The following CC2D2B variants were observed in gnomAD, a reference collection of about 807,000 sequenced individuals.
The protein encoded by CC2D2B is coiled-coil and C2 domain containing 2B.
CC2D2B carries 128 observed loss-of-function variants against 161.2 expected under a neutral mutation model. That is an observed-to-expected ratio of 0.79 (90% CI 0.69 to 0.92). CC2D2B has a LOEUF of 0.92. Among genes scored for constraint, CC2D2B ranks in the 40% least tolerant of loss-of-function variants. The pLI is 0.00. For synonymous variants in CC2D2B, 391 were observed against 449.8 expected (o/e 0.87, Z 1.65); for missense variants, 1,173 against 1,375.1 (o/e 0.85, Z 2.32).
At chr10:96,029,120 TAATTG>T (rs1305774216) in intron 34 of CC2D2B, among the ~76,000 whole-genome samples, 1 of 151,274 alleles carries the variant, frequency 6.6e-6, no homozygotes, top group Non-Finnish European at 1.5e-5. Flanking sequence ...TAAAAGTGTA[TAATTG>T]AATTGTTTAT....
At position 96,012,549 on chromosome 10, in the gene CC2D2B, G is replaced by T. The variant is rs1225736671; in HGVS notation, c.3246G>T (p.Glu1082Asp). 4.3e-6 allele frequency: 7 copies of T among 1,610,136 alleles called. No individual in the cohort carries two copies. Among genetic ancestry groups the T allele is most frequent in the Non-Finnish European group, 5.1e-6 (6 of 1,176,594 alleles). Residue 1082 changes from glutamate (E) to aspartate (D), a missense_variant, in exon 28 of 35, where the codon GAG (glutamate) becomes GAT (aspartate). Transcript: ENST00000646931. ...TATTGTAGTTTTTAGATCAAACAGA[G>T]GTCTTGCAGAGAGCACAGATTTTTA... ...PTLDKFLDQT[E>D]VLQRAQIFKK... is the part of the protein sequence containing the mutation.
Position 95,983,717 on chromosome 10 carries a change from C to T in CC2D2B, c.2194C>T (p.Leu732=). ...EEMAKSKRFQ[L]LQLRNAGQLD... ...AATGGCAAAGAGTAAACGTTTCCAG[C>T]TATTGCAACTTAGAAATGCAGGTCA... Residue 732 remains leucine (L), a synonymous_variant, in exon 19 of 35, where the codon CTA becomes TTA. Coordinates refer to ENST00000646931, the MANE Select transcript of CC2D2B (RefSeq NM_001349008.3). The T allele has an allele frequency of 8.1e-7, 1 of 1,230,330 alleles. No homozygotes were observed. The highest frequency in any genetic ancestry group is 1.0e-6 in the Non-Finnish European group (1 of 986,450). 76.2% of individuals were successfully genotyped at this position (1,230,330 alleles called of 1,614,324 possible). A position where few individuals can be genotyped will look rare whatever the true frequency, so the allele number is the denominator to read the frequency against.
chr10:95,979,852 GA>G (rs2077448187), intron 17 of CC2D2B, among the ~76,000 whole-genome samples: 1 of 152,194 alleles, frequency 6.6e-6, no homozygotes, highest in Non-Finnish European at 1.5e-5. Flanking sequence ...ACAACATTGT[GA>G]GTGTACTTAA....
intron 26 of CC2D2B, among the ~76,000 whole-genome samples, chr10:96,010,956 C>T (rs1295891097): frequency 6.6e-6 from 1 of 152,154 alleles, no homozygotes; most frequent in African/African-American, 2.4e-5. Context: ...AATCCTAGCT[C>T]CTTTGCTTGT....
intron 33 of CC2D2B, among the ~76,000 whole-genome samples, chr10:96,026,299 C>T (rs1044082851): frequency 8.5e-5 from 13 of 152,178 alleles, no homozygotes; most frequent in Admixed American, 7.2e-4. Flanking sequence ...CCCTCTCTCT[C>T]CTCCCTGGCA....
intron 2 of CC2D2B, among the ~76,000 whole-genome samples, chr10:95,912,796 C>G (rs932644647): frequency 6.6e-6 from 1 of 151,914 alleles, no homozygotes; most frequent in Non-Finnish European, 1.5e-5. Context: ...TTTTATATTC[C>G]AGAGAACAAT....
chr10:95,936,406 C>T (rs1469130072), intron 6 of CC2D2B, among the ~76,000 whole-genome samples: 1 of 152,182 alleles, frequency 6.6e-6, no homozygotes, highest in Non-Finnish European at 1.5e-5. Flanking sequence ...ATCTGGGCAA[C>T]CCAGAGTGAG....
intron 19 of CC2D2B, 39 bp downstream of exon 19, chr10:95,983,848 A>T: frequency 1.1e-6 from 1 of 941,398 alleles, no homozygotes; most frequent in Non-Finnish European, 1.4e-6. Flanking sequence ...ATTGTATGAT[A>T]AAGTTAACGT....
chr10:95,996,213 C>A lies in CC2D2B; in HGVS notation c.2810C>A (p.Ser937Tyr). The change falls in exon 24 of 35, where the codon TCT (serine) becomes TAT (tyrosine). Residue 937 changes from serine (S) to tyrosine (Y), a missense_variant. This residue lies in a region of CC2D2B where 598 missense variants were observed against 693.2 expected (regional missense o/e 0.86). Coordinates refer to ENST00000646931, the MANE Select transcript of CC2D2B (RefSeq NM_001349008.3). Reference protein sequence around the residue: ...TVYKTNTASGSHPCWNEEIKV... With the variant: ...TVYKTNTASGYHPCWNEEIKV... ...TACAAAACCAATACAGCAAGTGGAT[C>A]TCATCCATGCTGGAATGAAGAAATT... is the stretch of plus-strand genomic sequence containing the variant. 1 of 1,512,744 alleles carries A rather than the reference C, an allele frequency of 6.6e-7. No individual in the cohort carries two copies. Among genetic ancestry groups the A allele is most frequent in the Non-Finnish European group, 8.8e-7 (1 of 1,131,220 alleles). The allele number at this position is 1,512,744 out of a possible 1,614,324, so 93.7% of individuals were successfully genotyped here.
chr10:95,962,770 T>G (rs932693080), intron 12 of CC2D2B, among the ~76,000 whole-genome samples: 60 of 151,692 alleles, frequency 4.0e-4, no homozygotes, highest in African/African-American at 1.3e-3. Context: ...GTAGTTTTTT[T>G]TTTTTTTTTT....
chr10:96,003,495 T>C (rs146523419), intron 24 of CC2D2B, among the ~76,000 whole-genome samples: 5,179 of 152,030 alleles, frequency 0.034, 127 homozygotes, highest in Middle Eastern at 0.075. Flanking sequence ...CTCGACTCAC[T>C]GCAACCTCCG....
At chr10:96,021,472 T>C (rs1212679924) in intron 32 of CC2D2B, 1 of 152,246 alleles carries the variant, frequency 6.6e-6, no homozygotes, top group Non-Finnish European at 1.5e-5. Context: ...TCACAATCTC[T>C]GAGGGTGGAA....
At chr10:95,985,505 G>T (rs939818920) in intron 19 of CC2D2B, among the ~76,000 whole-genome samples, 3 of 152,100 alleles carry the variant, frequency 2.0e-5, no homozygotes, top group African/African-American at 7.2e-5. Context: ...CAATATTCTT[G>T]TGATTTCCTA....
intron 2 of CC2D2B, among the ~76,000 whole-genome samples, chr10:95,914,257 A>G (rs781421185): frequency 6.6e-6 from 1 of 152,084 alleles, no homozygotes; most frequent in Non-Finnish European, 1.5e-5. Context: ...CTTGTTGAAA[A>G]TGATTTCATT....
intron 32 of CC2D2B, 98 bp downstream of exon 32, chr10:96,019,922 G>A (rs1590912158): frequency 8.8e-7 from 1 of 1,141,780 alleles, no homozygotes. Flanking sequence ...TAGTTGGTTG[G>A]TTACTGAAAT....
At position 96,033,538 on chromosome 10, in the gene CC2D2B, CAAAG is replaced by C. The variant is rs1268814156; in HGVS notation, c.*1532_*1535del. On this transcript the variant is annotated 3_prime_UTR_variant, in exon 35 of 35. Coordinates refer to ENST00000646931, the MANE Select transcript of CC2D2B (RefSeq NM_001349008.3). The stretch of plus-strand genomic sequence containing the variant: ...GATGCTGATGGAAAGATGAGGATGC[CAAAG>C]ACAGACTGAATTCATGCAACTCATT... 6.6e-6 allele frequency among the ~76,000 whole-genome samples: 1 copy of C among 152,106 alleles called. No homozygotes were observed. The highest frequency in any genetic ancestry group is 1.5e-5 in the Non-Finnish European group (1 of 68,010).
In CC2D2B at chr10:96,025,162, T is replaced by A. The variant is rs1400784890; in HGVS notation, c.3947+251T>A. Among the ~76,000 whole-genome samples the A allele has an allele frequency of 5.6e-3, 40 of 7,106 alleles. 2 individuals carry two copies. The highest frequency in any genetic ancestry group is 0.012 in the South Asian group (3 of 252). The allele number at this position is 7,106 out of a possible 152,430, so 4.7% of individuals were successfully genotyped here. ...CATCTCTACTAAAAAAAAATATATATATATATATATATATATATATATAAA... is the reference window on the plus strand; with the variant it reads ...CATCTCTACTAAAAAAAAATATATAAATATATATATATATATATATATAAA... On this transcript the variant is annotated intron_variant, in intron 33 of 34. Transcript: ENST00000646931.
intron 15 of CC2D2B, among the ~76,000 whole-genome samples, chr10:95,969,643 C>G (rs1171118532): frequency 6.6e-6 from 1 of 152,038 alleles, no homozygotes; most frequent in Non-Finnish European, 1.5e-5. Flanking sequence ...TTTATTCTCT[C>G]CTGATAGATG....
intron 19 of CC2D2B, 56 bp from the exon 20 acceptor site, chr10:95,988,194 T>A: frequency 1.6e-6 from 1 of 613,566 alleles, no homozygotes. Flanking sequence ...TTGCAATGTG[T>A]CATATGTGAA....
Sources: allele counts gnomAD v4.1 joint callset (sites outside exome capture counted in the v4.1 genomes callset), GRCh38; gene constraint gnomAD v4.1.1; regional missense constraint gnomAD v4.1.1; transcripts MANE v1.5; gene names NCBI Gene and HGNC (gene_info 2026-07-23, HGNC 2026-07-21).